F10: variants seen among roughly 807,000 people sequenced by gnomAD.
The protein encoded by F10 is Stuart-Prower factor.
In F10, 29 loss-of-function variants were observed where a neutral mutation model predicts 37.1. The observed-to-expected ratio is 0.78, with a 90% CI of 0.58 to 1.07. The LOEUF (loss-of-function observed/expected upper bound fraction) is 1.07. Among genes scored for constraint, F10 ranks in the 50% least tolerant of loss-of-function variants. The probability of loss-of-function intolerance (pLI) is 0.00; values close to 1 mark genes in which losing one functional copy is unlikely to be tolerated. For missense variants in F10, 539 were observed against 667.9 expected (o/e 0.81, Z 2.13); for synonymous variants, 262 against 268.6 (o/e 0.98, Z 0.24).
rs889819912 is a variant in F10, at chr13:113,146,119, G to A, written c.748-1260G>A. 9.8e-5 allele frequency among the ~76,000 whole-genome samples: 15 copies of A among 152,334 alleles called. No individual in the cohort carries two copies. Among genetic ancestry groups the A allele is most frequent in the Middle Eastern group, 3.4e-3 (1 of 292 alleles). On this transcript the variant is annotated intron_variant, in intron 6 of 7. Transcript: ENST00000375559. This position sits in a 1 kb window ranked among gnomAD's most constrained non-coding sequence, Gnocchi z 4.5. ...TCTGTCTAACTATAAAGAGCCAAGC[G>A]AGAGAGGGATGCACTGAGGTGGCTC...
rs1323740554 is a variant in F10 at position 113,141,519 on chromosome 13, C to A, written c.502+469C>A. ...AGTCAGGGGACGCTCAGGCTCTGAGCTCCTTTTACCAGGACCAGTGTTCAT... is the reference window on the plus strand; with the variant it reads ...AGTCAGGGGACGCTCAGGCTCTGAGATCCTTTTACCAGGACCAGTGTTCAT... On this transcript the variant is annotated intron_variant, in intron 5 of 7. Transcript: ENST00000375559. This position sits in a 1 kb window ranked among gnomAD's most constrained non-coding sequence, Gnocchi z 5.4. Among the ~76,000 whole-genome samples, 1 of 152,172 alleles carries A rather than the reference C, an allele frequency of 6.6e-6. No individual in the cohort carries two copies. Among genetic ancestry groups the A allele is most frequent in the Non-Finnish European group, 1.5e-5 (1 of 68,028 alleles).
intron 6 of F10, among the ~76,000 whole-genome samples, chr13:113,145,651 C>T (rs2036575652): frequency 6.6e-6 from 1 of 152,174 alleles, no homozygotes; most frequent in Non-Finnish European, 1.5e-5. Context: ...TGAATGAACT[C>T]ACAGTTCCAC....
At chr13:113,138,397 A>G (rs80144112) in intron 2 of F10, 60 bp from the exon 3 acceptor site, 3 of 839,916 alleles carry the variant, frequency 3.6e-6, no homozygotes, top group Admixed American at 2.0e-5. Context: ...TATGGTTGTT[A>G]TTGGTATAAA....
intron 1 of F10, among the ~76,000 whole-genome samples, chr13:113,127,628 A>T (rs776905): frequency 6.6e-6 from 1 of 152,298 alleles, no homozygotes; most frequent in African/African-American, 2.4e-5. Context: ...CTCATTTGCC[A>T]GTCATGAAAT....
At chr13:113,128,022 T>A (rs1482751394) in intron 1 of F10, 4 of 151,910 alleles carry the variant, frequency 2.6e-5, no homozygotes, top group Non-Finnish European at 5.9e-5. Flanking sequence ...CAGAGAAGGG[T>A]GCATGGGTCT....
intron 1 of F10, 47 bp from the exon 2 acceptor site, chr13:113,129,405 G>T: frequency 1.2e-6 from 2 of 1,611,540 alleles, no homozygotes; most frequent in South Asian, 1.1e-5. Context: ...GGGGGAGCCT[G>T]GGTGAGGGTG....
chr13:113,146,393 T>A lies in F10; in HGVS notation c.748-986T>A, dbSNP rs933273156. ...GGGGCTGAGGAGCTGGACTTGGAGCTGCAGGCGGGGTTTTGGAGGGGTTCC... is the reference window on the plus strand; with the variant it reads ...GGGGCTGAGGAGCTGGACTTGGAGCAGCAGGCGGGGTTTTGGAGGGGTTCC... On this transcript the variant is annotated intron_variant, in intron 6 of 7. Coordinates refer to ENST00000375559, the MANE Select transcript of F10 (RefSeq NM_000504.4). The surrounding 1 kb of genome is among the most constrained non-coding windows in gnomAD (Gnocchi z 4.5). Among the ~76,000 whole-genome samples the A allele has an allele frequency of 2.6e-5, 4 of 151,964 alleles. No individual in the cohort carries two copies. The highest frequency in any genetic ancestry group is 7.2e-5 in the African/African-American group (3 of 41,396).
chr13:113,124,107 G>A (rs499939), intron 1 of F10, among the ~76,000 whole-genome samples: 60 of 152,320 alleles, frequency 3.9e-4, no homozygotes, highest in Admixed American at 2.5e-3. Flanking sequence ...TTCTGCAGCC[G>A]GAATGCTCTA....
Position 113,144,332 on chromosome 13 carries a change from G to A in F10, c.747+237G>A, listed in dbSNP as rs891837835. ...GAGGGAGAGGCTGGGCCCAGGCAAC[G>A]CCCCCCTCAGCCCCTTCCCACTGGG... On this transcript the variant is annotated intron_variant, in intron 6 of 7. Transcript: ENST00000375559. The surrounding 1 kb of genome is among the most constrained non-coding windows in gnomAD (Gnocchi z 6.4). 14 of 597,450 alleles carry A rather than the reference G, an allele frequency of 2.3e-5. No homozygotes were observed. The highest frequency in any genetic ancestry group is 3.8e-5 in the Non-Finnish European group (13 of 338,688). The allele number at this position is 597,450 out of a possible 1,614,324, so 37.0% of individuals were successfully genotyped here. A position where few individuals can be genotyped will look rare whatever the true frequency, so the allele number is the denominator to read the frequency against.
chr13:113,144,103 T>C lies in F10; in HGVS notation c.747+8T>C, dbSNP rs200618182. The C allele has an allele frequency of 5.4e-5, 87 of 1,613,484 alleles. No individual in the cohort carries two copies. The Middle Eastern group carries it at 9.9e-4, about 18-fold the overall frequency. On this transcript the variant is annotated splice_region_variant and intron_variant, in intron 6 of 7. Transcript: ENST00000375559. This position sits in a 1 kb window ranked among gnomAD's most constrained non-coding sequence, Gnocchi z 6.4. The stretch of plus-strand genomic sequence containing the variant: ...GGGGAGTGTCCCTGGCAGGTAACAG[T>C]AGGATGTCCCCTCGGGCCTGCTGGA...
chr13:113,148,889 G>A (rs1324489531), intron 7 of F10, 27 bp from the exon 8 acceptor site: 3 of 1,608,140 alleles, frequency 1.9e-6, no homozygotes, highest in African/African-American at 2.7e-5. Context: ...TGGCTGAGCT[G>A]AGCACAGTCC....
At chr13:113,138,054 A>G (rs1462492389) in intron 2 of F10, among the ~76,000 whole-genome samples, 1 of 152,210 alleles carries the variant, frequency 6.6e-6, no homozygotes, top group African/African-American at 2.4e-5. Flanking sequence ...ATCAGCAATG[A>G]ATATTTTTCA....
At chr13:113,145,464 T>C (rs2036573850) in intron 6 of F10, among the ~76,000 whole-genome samples, 1 of 152,108 alleles carries the variant, frequency 6.6e-6, no homozygotes. Flanking sequence ...AATTTCAATT[T>C]CACATAAACT....
intron 7 of F10, among the ~76,000 whole-genome samples, chr13:113,148,124 GT>G (rs2036598960): frequency 6.6e-6 from 1 of 152,040 alleles, no homozygotes. Flanking sequence ...GAGGTCAGGA[GT>G]TTGAGATCAG....
chr13:113,139,868 T>C lies in F10; in HGVS notation c.370+398T>C, dbSNP rs1184091853. Among the ~76,000 whole-genome samples the C allele has an allele frequency of 6.6e-6, 1 of 152,162 alleles. No homozygotes were observed. Among genetic ancestry groups the C allele is most frequent in the Non-Finnish European group, 1.5e-5 (1 of 68,022 alleles). On this transcript the variant is annotated intron_variant, in intron 4 of 7. Coordinates refer to ENST00000375559, the MANE Select transcript of F10 (RefSeq NM_000504.4). The surrounding 1 kb of genome is among the most constrained non-coding windows in gnomAD (Gnocchi z 5.2). ...TTCTAAATCACCTCTTATTTATGTG[T>C]ATGGATGCAGGTGTCAATATTTGTG... is the stretch of plus-strand genomic sequence containing the variant.
chr13:113,126,540 T>C (rs1021982362), intron 1 of F10, among the ~76,000 whole-genome samples: 6 of 151,924 alleles, frequency 3.9e-5, no homozygotes, highest in African/African-American at 1.2e-4. Context: ...CAGGCTCCAG[T>C]TGAGTGGGGA....
chr13:113,133,176 T>C (rs964181093), intron 2 of F10, among the ~76,000 whole-genome samples: 1 of 151,832 alleles, frequency 6.6e-6, no homozygotes, highest in Admixed American at 6.6e-5. Context: ...AAGCTTCCAC[T>C]TTAATAAACT....
At position 113,139,354 on chromosome 13, in the gene F10, C is replaced by T; in HGVS notation, c.257-3C>T. The T allele has an allele frequency of 3.1e-6, 5 of 1,613,196 alleles. No individual in the cohort carries two copies. The highest frequency in any genetic ancestry group is 3.4e-6 in the Non-Finnish European group (4 of 1,179,224). ...CTCCAGTTTCGAAATCCTCTCTTTGCAGATGGCGACCAGTGTGAGACCAGT... is the reference window on the plus strand; with the variant it reads ...CTCCAGTTTCGAAATCCTCTCTTTGTAGATGGCGACCAGTGTGAGACCAGT... On this transcript the variant is annotated splice_polypyrimidine_tract_variant and splice_region_variant and intron_variant, in intron 3 of 7. Transcript: ENST00000375559. The surrounding 1 kb of genome is among the most constrained non-coding windows in gnomAD (Gnocchi z 5.2).
Position 113,139,175 on chromosome 13 carries a change from C to G in F10, c.257-182C>G. On this transcript the variant is annotated intron_variant, in intron 3 of 7. Transcript: ENST00000375559. The surrounding 1 kb of genome is among the most constrained non-coding windows in gnomAD (Gnocchi z 5.2). Reference sequence around the variant, plus strand: ...GTGATCCACCTAGATAAAGGCATCACGTACACATGGCCACAAAAGGGGGTG... The same window carrying G: ...GTGATCCACCTAGATAAAGGCATCAGGTACACATGGCCACAAAAGGGGGTG... 6.6e-6 allele frequency among the ~76,000 whole-genome samples: 1 copy of G among 152,296 alleles called. No individual in the cohort carries two copies. The highest frequency in any genetic ancestry group is 1.5e-5 in the Non-Finnish European group (1 of 68,030).
Sources: allele counts gnomAD v4.1 joint callset (sites outside exome capture counted in the v4.1 genomes callset), GRCh38; gene constraint gnomAD v4.1.1; non-coding constraint Gnocchi (gnomAD v3.1); transcripts MANE v1.5; gene names NCBI Gene and HGNC (gene_info 2026-07-23, HGNC 2026-07-21).